The following PMFBP1 variants were observed in gnomAD, a reference collection of about 807,000 sequenced individuals.
The protein encoded by PMFBP1 is polyamine-modulated factor 1-binding protein 1.
In PMFBP1, 131 loss-of-function variants were observed where a neutral mutation model predicts 137.8. That is an observed-to-expected ratio of 0.95 (90% confidence interval 0.82 to 1.10). PMFBP1 has a LOEUF of 1.10. Among genes scored for constraint, PMFBP1 ranks in the 50% least tolerant of loss-of-function variants. PMFBP1 has a pLI of 0.00. For missense variants in PMFBP1, 1,199 were observed against 1,175.4 expected (o/e 1.02, Z -0.29); for synonymous variants, 490 against 450.4 (o/e 1.09, Z -1.11).
the PMFBP1 span, among the ~76,000 whole-genome samples, chr16:72,234,676 A>C: frequency 1.3e-5 from 2 of 152,296 alleles, no homozygotes; most frequent in Admixed American, 1.3e-4. Context: ...CTTTGCAATA[A>C]ACTTCTTTGC....
the PMFBP1 span, among the ~76,000 whole-genome samples, chr16:72,242,850 T>G: frequency 6.6e-6 from 1 of 152,220 alleles, no homozygotes; most frequent in Admixed American, 6.5e-5. Context: ...CATGAATTCT[T>G]GCATCAAGCA....
chr16:72,154,150 T>C lies in PMFBP1; in HGVS notation c.414+61A>G. On this transcript the variant is annotated intron_variant, in intron 4 of 20. Transcript: ENST00000237353. ...TCCAGCGTCTGCTTTCTAGTGGGCTTGGTCTGATTTCTGCAGGTACCTAAG... is the reference window on the plus strand; with the variant it reads ...TCCAGCGTCTGCTTTCTAGTGGGCTCGGTCTGATTTCTGCAGGTACCTAAG... 3.8e-6 allele frequency: 6 copies of C among 1,582,334 alleles called. 1 individual carries two copies. Among genetic ancestry groups the C allele is most frequent in the Non-Finnish European group, 5.2e-6 (6 of 1,162,806 alleles).
chr16:72,243,949 G>A, the PMFBP1 span, among the ~76,000 whole-genome samples: 1 of 152,098 alleles, frequency 6.6e-6, no homozygotes, highest in Admixed American at 6.6e-5. Flanking sequence ...GTTAGCCTTC[G>A]ACTTCGTTAA....
chr16:72,143,312 C>T (rs934466370), intron 5 of PMFBP1, among the ~76,000 whole-genome samples: 15 of 152,142 alleles, frequency 9.9e-5, no homozygotes, highest in Non-Finnish European at 1.6e-4. Flanking sequence ...CTGGTCAATA[C>T]GATAAGATGG....
chr16:72,225,567 G>C, the PMFBP1 span, among the ~76,000 whole-genome samples: 5 of 151,802 alleles, frequency 3.3e-5, no homozygotes, highest in African/African-American at 1.2e-4. Context: ...CAAAAAACTA[G>C]CCAGGTGTGG....
Position 72,129,061 on chromosome 16 carries a change from C to T in PMFBP1, c.1950+5G>A. The T allele has an allele frequency of 1.2e-6, 2 of 1,613,198 alleles. No homozygotes were observed. Among genetic ancestry groups the T allele is most frequent in the African/African-American group, 2.7e-5 (2 of 74,946 alleles). The stretch of plus-strand genomic sequence containing the variant: ...ACCCAGCTCTCCTGGGATTCTCCCA[C>T]TCACCGTCTTGTCTTTCTTTTTAAA... On this transcript the variant is annotated splice_donor_5th_base_variant and intron_variant, in intron 13 of 20. Transcript: ENST00000237353.
At chr16:72,125,173 G>A in intron 16 of PMFBP1, 65 bp downstream of exon 16, 2 of 1,549,642 alleles carry the variant, frequency 1.3e-6, no homozygotes, top group Non-Finnish European at 1.7e-6. Context: ...AATAATTCTG[G>A]ATGCAAGAGG....
the PMFBP1 span, among the ~76,000 whole-genome samples, chr16:72,194,232 T>G: frequency 2.4e-4 from 37 of 152,226 alleles, no homozygotes; most frequent in Admixed American, 2.4e-3. Flanking sequence ...TAATTATCTA[T>G]GCTCCCTTTC....
At chr16:72,164,314 C>T in intron 3 of PMFBP1, 3 of 936,970 alleles carry the variant, frequency 3.2e-6, no homozygotes, top group South Asian at 1.4e-5. Flanking sequence ...AGCTTGCAGG[C>T]AGTGAGACGC....
chr16:72,238,772 C>A, the PMFBP1 span, among the ~76,000 whole-genome samples: 3 of 152,150 alleles, frequency 2.0e-5, no homozygotes, highest in South Asian at 6.2e-4. Flanking sequence ...AAATAACAAC[C>A]ATTCACTCTA....
chr16:72,223,340 G>A, the PMFBP1 span, among the ~76,000 whole-genome samples: 9 of 152,222 alleles, frequency 5.9e-5, no homozygotes, highest in African/African-American at 1.7e-4. Context: ...TTTTCATTTT[G>A]TTTTAATCTT....
the PMFBP1 span, among the ~76,000 whole-genome samples, chr16:72,189,883 G>A: frequency 6.6e-6 from 1 of 152,286 alleles, no homozygotes; most frequent in East Asian, 1.9e-4. Flanking sequence ...GATTAGTTGA[G>A]GATAAAATCA....
At chr16:72,194,428 G>A in the PMFBP1 span, among the ~76,000 whole-genome samples, 2 of 152,026 alleles carry the variant, frequency 1.3e-5, no homozygotes, top group Admixed American at 6.6e-5. Context: ...TCTTTGTCAA[G>A]CGATTCGTTG....
At chr16:72,209,415 ATAT>A in the PMFBP1 span, among the ~76,000 whole-genome samples, 1 of 152,118 alleles carries the variant, frequency 6.6e-6, no homozygotes, top group East Asian at 1.9e-4. Context: ...CAGTTATTAT[ATAT>A]TGTTATCATA....
chr16:72,150,920 G>A (rs2042893696), intron 4 of PMFBP1, 91 bp from the exon 5 acceptor site: 2 of 1,107,572 alleles, frequency 1.8e-6, no homozygotes, highest in Admixed American at 3.5e-5. Flanking sequence ...GAGAAGTCTT[G>A]TATCTGAACC....
the PMFBP1 span, among the ~76,000 whole-genome samples, chr16:72,202,919 A>G: frequency 6.6e-6 from 1 of 152,180 alleles, no homozygotes; most frequent in African/African-American, 2.4e-5. Flanking sequence ...CAAAACCAAG[A>G]GCTGGGTGCC....
chr16:72,161,243 G>T (rs751905238), intron 3 of PMFBP1, among the ~76,000 whole-genome samples: 1 of 151,338 alleles, frequency 6.6e-6, no homozygotes, highest in African/African-American at 2.4e-5. Flanking sequence ...GATTATAGGC[G>T]CCTGCTACCA....
At position 72,130,715 on chromosome 16, in the gene PMFBP1, T is replaced by C; in HGVS notation, c.1455A>G (p.Gln485=). ...AKQQERLAAQ[Q]AAQCKEEAAL... is the part of the protein sequence containing the mutation. Reference sequence around the variant, plus strand: ...CAGCCTCTTCTTTGCACTGGGCTGCTTGCTGAGCTGCAGAAGCAGGGAGAT... The same window carrying C: ...CAGCCTCTTCTTTGCACTGGGCTGCCTGCTGAGCTGCAGAAGCAGGGAGAT... Residue 485 remains glutamine (Q), a synonymous_variant, in exon 11 of 21, where the codon CAA becomes CAG. Coordinates refer to ENST00000237353, the MANE Select transcript of PMFBP1 (RefSeq NM_031293.3). 6.2e-7 allele frequency: 1 copy of C among 1,610,722 alleles called. No homozygotes were observed. The highest frequency in any genetic ancestry group is 8.5e-7 in the Non-Finnish European group (1 of 1,179,338).
At chr16:72,235,874 G>C in the PMFBP1 span, among the ~76,000 whole-genome samples, 3 of 152,096 alleles carry the variant, frequency 2.0e-5, no homozygotes, top group African/African-American at 7.2e-5. Context: ...TTCACTAGTT[G>C]TAAGAGTTGC....
Sources: gnomAD v4.1 joint callset for allele counts (sites outside exome capture counted in the v4.1 genomes callset) on GRCh38, gnomAD v4.1.1 for gene constraint, MANE v1.5 for transcripts, NCBI Gene and HGNC (gene_info 2026-07-23, HGNC 2026-07-21) for gene names.